ZNF221: variants seen among roughly 807,000 people sequenced by gnomAD.
ZNF221 encodes the protein zinc finger protein 221.
A neutral mutation model predicts 12.6 loss-of-function variants in ZNF221; 10 were observed. The ratio of observed to expected loss-of-function variants is 0.79; its 90% CI spans 0.49 to 1.34. The LOEUF is 1.34. ZNF221 is among the 40% of genes most tolerant of loss of function. The pLI is 0.00. For missense variants in ZNF221, 661 were observed against 721.4 expected (o/e 0.92, Z 0.96); for synonymous variants, 232 against 244.0 (o/e 0.95, Z 0.46).
Position 43,965,096 on chromosome 19 carries a change from G to A in ZNF221, c.208+20G>A, listed in dbSNP as rs762060266. The A allele has an allele frequency of 6.8e-5, 109 of 1,612,168 alleles. 1 individual carries two copies. Among genetic ancestry groups the A allele is most frequent in the Middle Eastern group, 1.6e-4 (1 of 6,078 alleles). On this transcript the variant is annotated intron_variant, in intron 3 of 4. Transcript: ENST00000587682. ...CAGTAGGTGAGGACAGGCACCCTCT[G>A]TAACAGAATGTTAGGCCCCAGGAAT...
intron 2 of ZNF221, among the ~76,000 whole-genome samples, chr19:43,963,152 C>T (rs114449439): frequency 0.022 from 3,340 of 152,036 alleles, 131 homozygotes; most frequent in African/African-American, 0.077. Flanking sequence ...AAATTGTGCT[C>T]GTTTTATATA....
chr19:43,958,185 A>T (rs556187653), intron 1 of ZNF221, among the ~76,000 whole-genome samples: 1 of 152,366 alleles, frequency 6.6e-6, no homozygotes, highest in South Asian at 2.1e-4. Context: ...GGATGTGTAC[A>T]TAACTGAGGT....
intron 2 of ZNF221, among the ~76,000 whole-genome samples, chr19:43,964,450 A>G (rs1344732029): frequency 6.6e-6 from 1 of 152,220 alleles, no homozygotes; most frequent in African/African-American, 2.4e-5. Context: ...CATATAGAGG[A>G]TGCAATGCAT....
intron 1 of ZNF221, chr19:43,961,976 CT>C (rs1426575725): frequency 6.6e-6 from 1 of 152,110 alleles, no homozygotes; most frequent in Non-Finnish European, 1.5e-5. Flanking sequence ...TGAAAGGTTA[CT>C]TTTTAATTAA....
At chr19:43,951,849 CTTTTTTTTTTTTTTTTTTTTTTTTTTTTT>C (rs758081943) in intron 1 of ZNF221, among the ~76,000 whole-genome samples, 2 of 62,596 alleles carry the variant, frequency 3.2e-5, no homozygotes, top group African/African-American at 1.3e-4. Flanking sequence ...TCTTTGACCT[CTTTTTTTTTTTTTTTTTTTTTTTTTTTTT>C]TTTTTTTTTT....
chr19:43,965,911 C>T lies in ZNF221; in HGVS notation c.409C>T (p.Gln137Ter). The part of the protein sequence containing the change: ...EQIASDLTRS[Q>*]NSIRNSSQFF... ...AATTGCAAGTGACCTAACCAGGTCT[C>T]AAAACTCCATAAGGAACAGCTCTCA... The change falls in exon 5 of 5, where the codon CAA becomes TAA. Residue 137 changes from glutamine to a stop codon, truncating the protein, a stop_gained. Transcript: ENST00000587682. LOFTEE classifies it low-confidence loss of function (END_TRUNC). 6.2e-7 allele frequency: 1 copy of T among 1,614,144 alleles called. No individual in the cohort carries two copies. Among genetic ancestry groups the T allele is most frequent in the South Asian group, 1.1e-5 (1 of 91,070 alleles).
Position 43,966,768 on chromosome 19 carries a change from C to T in ZNF221, c.1266C>T (p.Phe422=), listed in dbSNP as rs1180224865. 1 of 1,614,142 alleles carries T rather than the reference C, an allele frequency of 6.2e-7. No homozygotes were observed. ...HQQVHSGQKS[F]KCEECGKGFY... ...AAGTCCACAGTGGACAAAAATCCTTCAAATGTGAAGAATGTGGGAAGGGAT... is the reference window on the plus strand; with the variant it reads ...AAGTCCACAGTGGACAAAAATCCTTTAAATGTGAAGAATGTGGGAAGGGAT... The change falls in exon 5 of 5, where the codon TTC becomes TTT. Residue 422 remains phenylalanine (F), a synonymous_variant. Transcript: ENST00000587682.
intron 2 of ZNF221, among the ~76,000 whole-genome samples, chr19:43,963,310 A>G (rs1207410541): frequency 6.6e-6 from 1 of 152,182 alleles, no homozygotes; most frequent in African/African-American, 2.4e-5. Flanking sequence ...CAGCTTTCCT[A>G]TATATAACCC....
chr19:43,951,785 C>T (rs1974674412), intron 1 of ZNF221, among the ~76,000 whole-genome samples: 1 of 149,356 alleles, frequency 6.7e-6, no homozygotes, highest in African/African-American at 2.5e-5. Flanking sequence ...GGTGTCAGAG[C>T]TCCAGCTGGC....
At chr19:43,955,114 C>CT (rs917626560) in intron 1 of ZNF221, among the ~76,000 whole-genome samples, 2 of 150,550 alleles carry the variant, frequency 1.3e-5, no homozygotes, top group African/African-American at 4.9e-5. Flanking sequence ...CTTCTTTCTT[C>CT]TTTTTTTTTA....
chr19:43,978,514 G>A, the ZNF221 span: 1 of 152,066 alleles, frequency 6.6e-6, no homozygotes, highest in African/African-American at 2.4e-5. Flanking sequence ...AATACCATAG[G>A]TAGGCCTTCC....
At chr19:43,954,975 T>G (rs1235455575) in intron 1 of ZNF221, among the ~76,000 whole-genome samples, 1 of 152,092 alleles carries the variant, frequency 6.6e-6, no homozygotes, top group East Asian at 1.9e-4. Flanking sequence ...GATGCTTTTA[T>G]CTCTTTGTTT....
intron 1 of ZNF221, among the ~76,000 whole-genome samples, chr19:43,960,886 G>A (rs772588981): frequency 1.3e-5 from 2 of 152,226 alleles, no homozygotes; most frequent in Non-Finnish European, 2.9e-5. Context: ...CAGTGGGGGA[G>A]CCCCAACAGA....
intron 1 of ZNF221, among the ~76,000 whole-genome samples, chr19:43,957,088 A>T (rs1321553265): frequency 6.6e-6 from 1 of 152,248 alleles, no homozygotes; most frequent in Non-Finnish European, 1.5e-5. Context: ...GTCAAAACTC[A>T]GTGACTGGCA....
chr19:43,966,537 G>T lies in ZNF221; in HGVS notation c.1035G>T (p.Lys345Asn). ...EKPFRCDTCG[K>N]NFRQRSALNS... ...CATTCAGATGTGATACATGTGGCAA[G>T]AACTTTCGTCAGAGATCAGCACTTA... The change falls in exon 5 of 5, where the codon AAG becomes AAT. Residue 345 changes from lysine (K) to asparagine (N), a missense_variant. Physicochemically the swap from Lys to Asn is moderately conservative, Grantham distance 94 (BLOSUM62 0). Coordinates refer to ENST00000587682, the MANE Select transcript of ZNF221 (RefSeq NM_001297588.2). The T allele has an allele frequency of 6.2e-7, 1 of 1,614,132 alleles. No individual in the cohort carries two copies. Among genetic ancestry groups the T allele is most frequent in the Non-Finnish European group, 8.5e-7 (1 of 1,180,010 alleles).
intron 1 of ZNF221, among the ~76,000 whole-genome samples, chr19:43,957,190 A>AT (rs900138856): frequency 2.6e-5 from 4 of 151,810 alleles, no homozygotes; most frequent in African/African-American, 9.7e-5. Flanking sequence ...TTTATTTTTT[A>AT]TTTTTTTTGA....
chr19:43,964,311 C>T (rs996894114), intron 2 of ZNF221, among the ~76,000 whole-genome samples: 1 of 152,080 alleles, frequency 6.6e-6, no homozygotes, highest in African/African-American at 2.4e-5. Flanking sequence ...GAAACTAATG[C>T]ATGTAGGTGA....
At chr19:43,970,429 G>A (rs906909066), downstream of ZNF221, among the ~76,000 whole-genome samples, 5 of 152,216 alleles carry the variant, frequency 3.3e-5, no homozygotes, top group Admixed American at 3.3e-4. Context: ...TGGCTGAACT[G>A]ACAGAAGTAG....
At chr19:43,958,114 A>C (rs191146203) in intron 1 of ZNF221, among the ~76,000 whole-genome samples, 79 of 152,362 alleles carry the variant, frequency 5.2e-4, no homozygotes, top group African/African-American at 1.9e-3. Context: ...TGTATAAACA[A>C]TTCCAATCAA....
Sources: gnomAD v4.1 joint callset for allele counts (sites outside exome capture counted in the v4.1 genomes callset) on GRCh38, gnomAD v4.1.1 for gene constraint, MANE v1.5 for transcripts, NCBI Gene and HGNC (gene_info 2026-07-23, HGNC 2026-07-21) for gene names.